DOCK2: variants seen among roughly 807,000 people sequenced by gnomAD.
The protein encoded by DOCK2 is dedicator of cytokinesis 2, also known as dedicator of cytokinesis protein 2.
A neutral mutation model predicts 248.9 loss-of-function variants in DOCK2; 87 were observed. That is an observed-to-expected ratio of 0.35 (90% CI 0.29 to 0.42). The LOEUF (loss-of-function observed/expected upper bound fraction) is 0.42, where lower values mean the gene tolerates loss of function less well. Ranked by LOEUF, DOCK2 falls within the 10% of genes least tolerant of loss-of-function variation. The pLI is 1.00. For synonymous variants in DOCK2, 805 were observed against 821.6 expected (o/e 0.98, Z 0.35); for missense variants, 1,747 against 2,300.2 (o/e 0.76, Z 4.92).
At chr5:169,846,347 G>T (rs1770303337) in intron 27 of DOCK2, among the ~76,000 whole-genome samples, 1 of 152,108 alleles carries the variant, frequency 6.6e-6, no homozygotes, top group African/African-American at 2.4e-5. Context: ...TGGGCTTAGG[G>T]CTTTGCGATG....
rs566576037 is a variant in DOCK2 at position 170,038,667 on chromosome 5, T to C, written c.3665+2112T>C. Among the ~76,000 whole-genome samples the C allele has an allele frequency of 3.3e-5, 5 of 152,226 alleles. No individual in the cohort carries two copies. In the South Asian group the frequency reaches 1.0e-3, roughly 32 times the overall value. On this transcript the variant is annotated intron_variant, in intron 36 of 51. Coordinates refer to ENST00000520908, the MANE Select transcript of DOCK2 (RefSeq NM_004946.3). Reference sequence around the variant, plus strand: ...CTGTGCTACTCCCCGTCCACCTCGCTCAAGCACCTGCCATCTGGAGGTGCT... The same window carrying C: ...CTGTGCTACTCCCCGTCCACCTCGCCCAAGCACCTGCCATCTGGAGGTGCT...
chr5:169,931,979 A>C (rs1775778059), intron 27 of DOCK2, among the ~76,000 whole-genome samples: 1 of 152,194 alleles, frequency 6.6e-6, no homozygotes, highest in African/African-American at 2.4e-5. Flanking sequence ...CCTGCCAGGA[A>C]CTGCTCTAGG....
At chr5:170,049,447 T>C (rs1262513455) in intron 40 of DOCK2, among the ~76,000 whole-genome samples, 1 of 152,216 alleles carries the variant, frequency 6.6e-6, no homozygotes, top group African/African-American at 2.4e-5. Flanking sequence ...CCTAGGCTCC[T>C]TGGATGATCA....
intron 27 of DOCK2, among the ~76,000 whole-genome samples, chr5:169,953,694 G>A (rs560559469): frequency 1.3e-5 from 2 of 152,274 alleles, no homozygotes; most frequent in South Asian, 4.2e-4. Flanking sequence ...TCCATTTAAT[G>A]CAGCATAAAG....
At chr5:169,816,097 G>A (rs749394180) in intron 26 of DOCK2, among the ~76,000 whole-genome samples, 21 of 152,168 alleles carry the variant, frequency 1.4e-4, no homozygotes, top group Non-Finnish European at 2.2e-4. Flanking sequence ...GATAAATATA[G>A]CTATGTTTGG....
At chr5:170,007,472 C>T (rs1275833820) in intron 30 of DOCK2, among the ~76,000 whole-genome samples, 6 of 152,214 alleles carry the variant, frequency 3.9e-5, no homozygotes, top group African/African-American at 1.4e-4. Flanking sequence ...TACTGTGATT[C>T]ATGTCTTTAA....
At chr5:170,064,081 T>C (rs1190707027) in intron 44 of DOCK2, among the ~76,000 whole-genome samples, 5 of 151,938 alleles carry the variant, frequency 3.3e-5, no homozygotes, top group Non-Finnish European at 5.9e-5. Context: ...GAGACAGCAG[T>C]CTGGACAAAC....
chr5:169,738,027 A>C (rs1254718624), intron 22 of DOCK2, among the ~76,000 whole-genome samples: 1 of 152,124 alleles, frequency 6.6e-6, no homozygotes, highest in Non-Finnish European at 1.5e-5. Flanking sequence ...ACCCAATAGG[A>C]TCTGACTCTC....
chr5:170,050,461 C>T, intron 41 of DOCK2, 64 bp downstream of exon 41: 3 of 1,539,782 alleles, frequency 1.9e-6, no homozygotes, highest in Non-Finnish European at 2.6e-6. Flanking sequence ...GGCTGCAGCC[C>T]ACAAAGACCC....
intron 6 of DOCK2, among the ~76,000 whole-genome samples, chr5:169,679,209 T>C (rs1759513649): frequency 6.6e-6 from 1 of 152,160 alleles, no homozygotes; most frequent in African/African-American, 2.4e-5. Flanking sequence ...CCAGCTGATT[T>C]TACCTTTTTT....
At chr5:169,830,063 G>A (rs895412957) in intron 26 of DOCK2, among the ~76,000 whole-genome samples, 16 of 152,154 alleles carry the variant, frequency 1.1e-4, no homozygotes, top group African/African-American at 3.4e-4. Flanking sequence ...GGTATTATAC[G>A]TAATACAATA....
At chr5:169,996,869 C>T (rs1371423790) in intron 30 of DOCK2, among the ~76,000 whole-genome samples, 1 of 152,098 alleles carries the variant, frequency 6.6e-6, no homozygotes, top group African/African-American at 2.4e-5. Context: ...GGTGTTTTTT[C>T]CTTGCTGTAG....
rs1041327330 is a variant in DOCK2 at position 169,971,081 on chromosome 5, G to A, written c.2800-11987G>A. Among the ~76,000 whole-genome samples, 18 of 152,102 alleles carry A rather than the reference G, an allele frequency of 1.2e-4. 1 individual carries two copies. The highest frequency in any genetic ancestry group is 2.9e-5 in the Non-Finnish European group (2 of 68,000). On this transcript the variant is annotated intron_variant, in intron 27 of 51. Coordinates refer to ENST00000520908, the MANE Select transcript of DOCK2 (RefSeq NM_004946.3). ...GAGGGAGTCAGCAGGCAGCTAATGCGGACTGCAGAGGATGGTAATCGGGAG... is the reference window on the plus strand; with the variant it reads ...GAGGGAGTCAGCAGGCAGCTAATGCAGACTGCAGAGGATGGTAATCGGGAG...
intron 27 of DOCK2, among the ~76,000 whole-genome samples, chr5:169,968,677 A>G (rs1284348925): frequency 6.6e-6 from 1 of 152,148 alleles, no homozygotes; most frequent in Admixed American, 6.5e-5. Flanking sequence ...CACATTTTTC[A>G]ATTTTATCAC....
chr5:169,883,393 G>T, intron 27 of DOCK2: 1 of 1,551,700 alleles, frequency 6.4e-7, no homozygotes, highest in Non-Finnish European at 8.7e-7. Context: ...TGGGAGGAAT[G>T]CATGGGACAC....
chr5:169,743,121 G>A (rs982362773), intron 22 of DOCK2, among the ~76,000 whole-genome samples: 4 of 152,204 alleles, frequency 2.6e-5, no homozygotes, highest in Admixed American at 2.0e-4. Context: ...CTGAAGAATC[G>A]CAGACAGATG....
chr5:169,658,043 TAAAA>T (rs989530005), intron 2 of DOCK2, among the ~76,000 whole-genome samples: 5 of 151,898 alleles, frequency 3.3e-5, no homozygotes, highest in Admixed American at 6.6e-5. Flanking sequence ...AACATGGAAT[TAAAA>T]AAAATAACCA....
intron 27 of DOCK2, among the ~76,000 whole-genome samples, chr5:169,942,352 T>A (rs1776275628): frequency 6.6e-6 from 1 of 152,158 alleles, no homozygotes; most frequent in African/African-American, 2.4e-5. Flanking sequence ...AGAGGGAGAC[T>A]GGGTAGGAGG....
At chr5:170,019,385 A>G (rs1312505203) in intron 33 of DOCK2, among the ~76,000 whole-genome samples, 2 of 152,074 alleles carry the variant, frequency 1.3e-5, no homozygotes, top group African/African-American at 4.8e-5. Context: ...CTACCTAATG[A>G]TTCCCTAAAA....
Sources: allele counts gnomAD v4.1 joint callset (sites outside exome capture counted in the v4.1 genomes callset), GRCh38; gene constraint gnomAD v4.1.1; transcripts MANE v1.5; gene names NCBI Gene and HGNC (gene_info 2026-07-23, HGNC 2026-07-21).